CD300A: variants seen among roughly 807,000 people sequenced by gnomAD.
CD300A encodes CD300a molecule, also known as CMRF35-like molecule 8.
CD300A carries 22 observed loss-of-function variants against 33.6 expected under a neutral mutation model. The observed-to-expected ratio is 0.66, with a 90% CI of 0.47 to 0.94. CD300A has a LOEUF of 0.94. CD300A is among the 40% of genes least tolerant of loss of function. CD300A has a pLI of 0.00. For missense variants in CD300A, 326 were observed against 360.5 expected (o/e 0.90, Z 0.77); for synonymous variants, 136 against 148.1 (o/e 0.92, Z 0.59).
At chr17:74,471,724 G>A (rs1391555451) in intron 1 of CD300A, among the ~76,000 whole-genome samples, 14 of 152,292 alleles carry the variant, frequency 9.2e-5, no homozygotes, top group South Asian at 6.2e-4. Flanking sequence ...ACATCCAGGC[G>A]TGGAGAGGTT....
In CD300A at chr17:74,484,242, A is replaced by G; in HGVS notation, c.*116A>G. The G allele has an allele frequency of 8.6e-7, 1 of 1,164,458 alleles. No homozygotes were observed. The highest frequency in any genetic ancestry group is 2.3e-5 in the Admixed American group (1 of 44,046). The allele number at this position is 1,164,458 out of a possible 1,614,324, so 72.1% of individuals were successfully genotyped here. On this transcript the variant is annotated 3_prime_UTR_variant, in exon 7 of 7. Transcript: ENST00000360141. ...TGCCCTCGACAACAGTGACCAACAGACAGGCAGCTGGGTTTCCCAGGCCAT... is the reference window on the plus strand; with the variant it reads ...TGCCCTCGACAACAGTGACCAACAGGCAGGCAGCTGGGTTTCCCAGGCCAT...
At chr17:74,472,299 C>T (rs1906158843) in intron 1 of CD300A, among the ~76,000 whole-genome samples, 1 of 151,988 alleles carries the variant, frequency 6.6e-6, no homozygotes, top group African/African-American at 2.4e-5. Context: ...CCCATCCCCA[C>T]CATCCTTGAA....
intron 5 of CD300A, 144 bp downstream of exon 5, chr17:74,481,470 G>A (rs1045728379): frequency 4.0e-6 from 3 of 755,196 alleles, no homozygotes; most frequent in African/African-American, 1.7e-5. Flanking sequence ...GCTGGGAGAT[G>A]TGGTCACTAG....
At chr17:74,483,242 A>C (rs1907030590) in intron 6 of CD300A, among the ~76,000 whole-genome samples, 2 of 152,350 alleles carry the variant, frequency 1.3e-5, no homozygotes, top group South Asian at 4.1e-4. Context: ...CTGCAGGGCC[A>C]ACGCAGTACC....
At chr17:74,466,901 G>A (rs1905747501) in intron 1 of CD300A, 158 bp downstream of exon 1, 1 of 1,480,418 alleles carries the variant, frequency 6.8e-7, no homozygotes, top group South Asian at 1.3e-5. Flanking sequence ...GACAGATGAA[G>A]GTCCACACCC....
rs781714663 is a variant in CD300A at position 74,473,896 on chromosome 17, C to T, written c.379+22C>T. Reference sequence around the variant, plus strand: ...CCGGGTGAGCCCCTCCTTCCCTCAGCGCCTAAATAGGCTCAGGTTGGAATT... The same window carrying T: ...CCGGGTGAGCCCCTCCTTCCCTCAGTGCCTAAATAGGCTCAGGTTGGAATT... On this transcript the variant is annotated intron_variant, in intron 2 of 6. Coordinates refer to ENST00000360141, the MANE Select transcript of CD300A (RefSeq NM_007261.4). 23 of 1,600,812 alleles carry T rather than the reference C, an allele frequency of 1.4e-5. No individual in the cohort carries two copies. In the East Asian group the frequency reaches 1.6e-4, roughly 11 times the overall value.
chr17:74,474,435 G>A (rs765729256), intron 2 of CD300A, 97 bp from the exon 3 acceptor site: 19 of 1,257,602 alleles, frequency 1.5e-5, no homozygotes, highest in Non-Finnish European at 2.1e-5. Flanking sequence ...CCCTTCCTTA[G>A]TGGGCAGTTT....
In CD300A at chr17:74,477,204, G is replaced by A. The variant is rs190921777; in HGVS notation, c.534-232G>A. On this transcript the variant is annotated intron_variant, in intron 3 of 6. Transcript: ENST00000360141. ...CAATATAGCAAGATTGAGTCTCTAC[G>A]AAAAATTTAAAAATTAGCCGTGGTG... Among the ~76,000 whole-genome samples, 239 of 151,918 alleles carry A rather than the reference G, an allele frequency of 1.6e-3. 1 individual carries two copies. The highest frequency in any genetic ancestry group is 4.5e-3 in the African/African-American group (185 of 41,442).
intron 2 of CD300A, 96 bp from the exon 3 acceptor site, chr17:74,474,436 T>G: frequency 8.1e-7 from 1 of 1,237,858 alleles, no homozygotes; most frequent in Non-Finnish European, 1.2e-6. Context: ...CCTTCCTTAG[T>G]GGGCAGTTTG....
At chr17:74,470,176 A>G in intron 1 of CD300A, 1 of 985,416 alleles carries the variant, frequency 1.0e-6, no homozygotes, top group African/African-American at 1.7e-5. Flanking sequence ...GTGGTGATTC[A>G]GGTTGGAAGA....
rs563884251 is a variant in CD300A at position 74,474,777 on chromosome 17, G to T, written c.533+92G>T. The T allele has an allele frequency of 1.5e-5, 21 of 1,382,928 alleles. 1 individual carries two copies. The South Asian group carries it at 2.4e-4, about 16-fold the overall frequency. The allele number at this position is 1,382,928 out of a possible 1,614,324, so 85.7% of individuals were successfully genotyped here. ...CCTTGGCCATGTGGGCCAGCTGGAG[G>T]TGTGCATCGCTCCCTTTGCCCCAGG... On this transcript the variant is annotated intron_variant, in intron 3 of 6. Transcript: ENST00000360141.
rs146327081 is a variant in CD300A, at chr17:74,476,655, G to T, written c.534-781G>T. ...TCAATCTGCTGCTGCGTGGTCAGGT[G>T]TGAAAAGGTGGAGCTGCAAGGCGAT... On this transcript the variant is annotated intron_variant, in intron 3 of 6. Coordinates refer to ENST00000360141, the MANE Select transcript of CD300A (RefSeq NM_007261.4). Among the ~76,000 whole-genome samples the T allele has an allele frequency of 3.0e-4, 45 of 152,322 alleles. No individual in the cohort carries two copies. The East Asian group carries it at 7.9e-3, about 27-fold the overall frequency.
At chr17:74,475,416 G>C (rs971889302) in intron 3 of CD300A, among the ~76,000 whole-genome samples, 2 of 152,116 alleles carry the variant, frequency 1.3e-5, no homozygotes, top group African/African-American at 4.8e-5. Flanking sequence ...GACTCAGCGA[G>C]GTGAAGCAAT....
rs368867288 is a variant in CD300A, at chr17:74,473,547, C to G, written c.52C>G (p.Leu18Val). Residue 18 changes from leucine to valine, a missense_variant, in exon 2 of 7, where the codon CTG becomes GTG. Leu to Val is a conservative substitution (Grantham distance 32, BLOSUM62 1). Transcript: ENST00000360141. ...CTTGTGTTTTCCAGGATGTTTTGCT[C>G]TGAGCAAATGCAGGACCGTGGCGGG... The part of the protein sequence containing the change: ...LLLWVPGCFA[L>V]SKCRTVAGPV... 4.3e-6 allele frequency: 7 copies of G among 1,612,248 alleles called. No individual in the cohort carries two copies. The African/African-American group carries it at 8.0e-5, about 18-fold the overall frequency.
Position 74,466,659 on chromosome 17 carries a change from G to A in CD300A, c.-45G>A. 6.4e-7 allele frequency: 1 copy of A among 1,568,668 alleles called. No homozygotes were observed. Among genetic ancestry groups the A allele is most frequent in the Non-Finnish European group, 8.7e-7 (1 of 1,154,678 alleles). ...GTGACTTTCCCCTCGGGTCCAGGTA[G>A]GGCCTGGAGCTGCTGCAAGTGCCGC... is the stretch of plus-strand genomic sequence containing the variant. On this transcript the variant is annotated 5_prime_UTR_variant, in exon 1 of 7. Transcript: ENST00000360141.
Position 74,484,453 on chromosome 17 carries a change from C to T in CD300A, c.*327C>T, listed in dbSNP as rs1286265302. On this transcript the variant is annotated 3_prime_UTR_variant, in exon 7 of 7. Transcript: ENST00000360141. ...TGCGTGGCTCCAGGAAAAGATGTGG[C>T]TCACGTAGGTGGCACCTGCCAATAG... The T allele has an allele frequency of 9.8e-6, 2 of 203,318 alleles. No individual in the cohort carries two copies. The highest frequency in any genetic ancestry group is 2.0e-5 in the Non-Finnish European group (2 of 98,554). The allele number at this position is 203,318 out of a possible 1,614,324, so 12.6% of individuals were successfully genotyped here.
intron 6 of CD300A, 104 bp downstream of exon 6, chr17:74,481,937 T>A: frequency 2.5e-6 from 2 of 803,558 alleles, no homozygotes; most frequent in South Asian, 3.1e-5. Flanking sequence ...CTTGGTGATC[T>A]TGTGCCTGTC....
chr17:74,476,395 A>G (rs1317789219), intron 3 of CD300A, among the ~76,000 whole-genome samples: 1 of 152,184 alleles, frequency 6.6e-6, no homozygotes, highest in African/African-American at 2.4e-5. Context: ...CTGCCAACAT[A>G]TAAGACAAGG....
At chr17:74,472,691 C>A (rs964072561) in intron 1 of CD300A, among the ~76,000 whole-genome samples, 4 of 151,366 alleles carry the variant, frequency 2.6e-5, no homozygotes, top group Non-Finnish European at 4.4e-5. Flanking sequence ...CTCAACATAA[C>A]CTCCGCCTCC....
Sources: allele counts gnomAD v4.1 joint callset (sites outside exome capture counted in the v4.1 genomes callset), GRCh38; gene constraint gnomAD v4.1.1; transcripts MANE v1.5; gene names NCBI Gene and HGNC (gene_info 2026-07-23, HGNC 2026-07-21).